Variants in CDKAL1 observed in about 807,000 individuals in gnomAD.
The protein encoded by CDKAL1 is CDKAL1 threonylcarbamoyladenosine tRNA methylthiotransferase, also known as threonylcarbamoyladenosine tRNA methylthiotransferase.
Under a neutral mutation model 68.2 loss-of-function variants are expected in CDKAL1, and 32 were observed. The observed-to-expected ratio is 0.47, with a 90% CI of 0.35 to 0.63. The LOEUF is 0.63. Ranked by LOEUF, CDKAL1 falls within the 30% of genes least tolerant of loss-of-function variation. The pLI is 0.00. For synonymous variants in CDKAL1, 234 were observed against 244.3 expected, an observed-to-expected ratio of 0.96 and a Z score of 0.39; for missense variants, 606 against 696.7, an observed-to-expected ratio of 0.87 and a Z score of 1.47.
At chr6:21,031,842 T>C (rs944019914) in intron 11 of CDKAL1, among the ~76,000 whole-genome samples, 1 of 152,178 alleles carries the variant, frequency 6.6e-6, no homozygotes, top group African/African-American at 2.4e-5. Context: ...CAAAGTTTCT[T>C]GAAGGTGTGG....
intron 9 of CDKAL1, among the ~76,000 whole-genome samples, chr6:20,889,503 A>G (rs1212211656): frequency 6.6e-6 from 1 of 152,052 alleles, no homozygotes; most frequent in Non-Finnish European, 1.5e-5. Context: ...TTATGGTTTT[A>G]GGTCTAACAT....
intron 4 of CDKAL1, among the ~76,000 whole-genome samples, chr6:20,592,077 G>A (rs753108157): frequency 5.3e-5 from 8 of 152,094 alleles, no homozygotes; most frequent in Non-Finnish European, 1.2e-4. Context: ...TCCTTGAAGA[G>A]GTCCTTTACA....
At chr6:20,579,355 A>T (rs952328102) in intron 4 of CDKAL1, among the ~76,000 whole-genome samples, 5 of 152,172 alleles carry the variant, frequency 3.3e-5, no homozygotes, top group African/African-American at 1.2e-4. Flanking sequence ...CGGATGCCTG[A>T]AAAAAAGCAT....
At chr6:20,937,097 C>CT (rs1480160782) in intron 9 of CDKAL1, among the ~76,000 whole-genome samples, 6 of 151,780 alleles carry the variant, frequency 4.0e-5, no homozygotes, top group African/African-American at 1.2e-4. Flanking sequence ...TCTTTCTTTT[C>CT]TTTTTTTTAA....
chr6:20,948,066 C>G (rs1335536436), intron 9 of CDKAL1, among the ~76,000 whole-genome samples: 2 of 138,836 alleles, frequency 1.4e-5, no homozygotes, highest in African/African-American at 5.4e-5. Context: ...TGCCCTGGCT[C>G]TAGTGCAGTG....
chr6:21,026,434 G>A (rs1350166261), intron 11 of CDKAL1, among the ~76,000 whole-genome samples: 2 of 152,060 alleles, frequency 1.3e-5, no homozygotes, highest in African/African-American at 4.8e-5. Flanking sequence ...GCTTCACTTT[G>A]AGTCTCATCT....
chr6:21,168,954 G>C (rs1480880412), intron 13 of CDKAL1, among the ~76,000 whole-genome samples: 2 of 152,054 alleles, frequency 1.3e-5, no homozygotes, highest in Admixed American at 6.5e-5. Context: ...CAAGACAGGA[G>C]CTAATTTAAG....
At position 20,842,386 on chromosome 6, in the gene CDKAL1, A is replaced by G. The variant is rs764613491; in HGVS notation, c.639-3689A>G. On this transcript the variant is annotated intron_variant, in intron 8 of 15. Coordinates refer to ENST00000274695, the MANE Select transcript of CDKAL1 (RefSeq NM_017774.3). Reference sequence around the variant, plus strand: ...TACCCTATAAATATATACACTTACTATGTACCCACAAAAATTAAAAATAAA... The same window carrying G: ...TACCCTATAAATATATACACTTACTGTGTACCCACAAAAATTAAAAATAAA... 5.4e-4 allele frequency among the ~76,000 whole-genome samples: 82 copies of G among 152,320 alleles called. 1 individual carries two copies. Among genetic ancestry groups the G allele is most frequent in the Middle Eastern group, 3.4e-3 (1 of 294 alleles).
chr6:20,613,294 A>C (rs1335236896), intron 4 of CDKAL1, among the ~76,000 whole-genome samples: 1 of 50,096 alleles, frequency 2.0e-5, no homozygotes, highest in Non-Finnish European at 3.9e-5. Flanking sequence ...TTTTTTTTTG[A>C]GACGGAGTCT....
At chr6:20,959,125 AT>A (rs1250753236) in intron 10 of CDKAL1, among the ~76,000 whole-genome samples, 1 of 152,192 alleles carries the variant, frequency 6.6e-6, no homozygotes, top group African/African-American at 2.4e-5. Context: ...TACTGAATAC[AT>A]GTGTACTGAA....
chr6:21,038,644 A>T (rs1488012409), intron 11 of CDKAL1, among the ~76,000 whole-genome samples: 1 of 152,120 alleles, frequency 6.6e-6, no homozygotes, highest in African/African-American at 2.4e-5. Flanking sequence ...CCCAAAACAA[A>T]TTTGTAAACT....
At chr6:20,859,934 G>A (rs1379996937) in intron 9 of CDKAL1, among the ~76,000 whole-genome samples, 2 of 151,976 alleles carry the variant, frequency 1.3e-5, no homozygotes, top group African/African-American at 4.8e-5. Context: ...TCTTTGCATG[G>A]CTGTCTTTTT....
chr6:20,890,667 A>G (rs1328470601), intron 9 of CDKAL1, among the ~76,000 whole-genome samples: 3 of 151,902 alleles, frequency 2.0e-5, no homozygotes, highest in Non-Finnish European at 4.4e-5. Context: ...TGTTTTCTAC[A>G]CTCTTACCCT....
At chr6:21,101,090 G>A (rs1311612092) in intron 12 of CDKAL1, among the ~76,000 whole-genome samples, 1 of 152,136 alleles carries the variant, frequency 6.6e-6, no homozygotes, top group Non-Finnish European at 1.5e-5. Context: ...ATTCTTTTAT[G>A]GAAAGGAAGA....
chr6:21,232,309 G>A lies in CDKAL1; in HGVS notation c.*1270G>A, dbSNP rs546935870. The A allele has an allele frequency of 6.6e-6, 1 of 152,292 alleles. No homozygotes were observed. The highest frequency in any genetic ancestry group is 1.9e-4 in the East Asian group (1 of 5,176). 9.4% of individuals were successfully genotyped at this position (152,292 alleles called of 1,614,324 possible). On this transcript the variant is annotated 3_prime_UTR_variant, in exon 16 of 16. Transcript: ENST00000274695. ...GGCGTGAGCCACTCCACCCAGCCCA[G>A]ATTAAATGTTTTTATTTCTACCTGC...
chr6:20,860,350 A>T (rs1033435279), intron 9 of CDKAL1, among the ~76,000 whole-genome samples: 5 of 152,202 alleles, frequency 3.3e-5, no homozygotes, highest in African/African-American at 4.8e-5. Context: ...AAGTGCTGGG[A>T]TTACAGGCAT....
chr6:20,758,886 G>A (rs1196703400), intron 7 of CDKAL1, among the ~76,000 whole-genome samples: 1 of 152,168 alleles, frequency 6.6e-6, no homozygotes, highest in Admixed American at 6.5e-5. Flanking sequence ...TGTAACCCCA[G>A]CAGTTGGGGC....
chr6:20,587,256 G>C (rs1765409741), intron 4 of CDKAL1, among the ~76,000 whole-genome samples: 1 of 151,868 alleles, frequency 6.6e-6, no homozygotes. Context: ...CAAAGTGCTG[G>C]GATTACAGGC....
At chr6:21,201,865 G>A (rs1354886128) in intron 15 of CDKAL1, among the ~76,000 whole-genome samples, 1 of 151,862 alleles carries the variant, frequency 6.6e-6, no homozygotes, top group East Asian at 1.9e-4. Flanking sequence ...TTGAGCTACA[G>A]TTGTAAAAGC....
Sources: gnomAD v4.1 joint callset for allele counts (sites outside exome capture counted in the v4.1 genomes callset) on GRCh38, gnomAD v4.1.1 for gene constraint, MANE v1.5 for transcripts, NCBI Gene and HGNC (gene_info 2026-07-23, HGNC 2026-07-21) for gene names.